The following SS18 variants were observed in gnomAD, a reference collection of about 807,000 sequenced individuals.
SS18 encodes the protein SS18 subunit of BAF chromatin remodeling complex, also known as protein SSXT.
A neutral mutation model predicts 72.5 loss-of-function variants in SS18; 28 were observed. The observed-to-expected ratio is 0.39, with a 90% CI of 0.29 to 0.53. The LOEUF (loss-of-function observed/expected upper bound fraction) is 0.53, where lower values mean the gene tolerates loss of function less well. Among genes scored for constraint, SS18 ranks in the 20% least tolerant of loss-of-function variants. SS18 has a pLI of 0.76. For missense variants in SS18, 518 were observed against 535.3 expected, an observed-to-expected ratio of 0.97 and a Z score of 0.32; for synonymous variants, 172 against 164.2, an observed-to-expected ratio of 1.05 and a Z score of -0.37.
chr18:26,033,607 G>A (rs2053580623), intron 9 of SS18, among the ~76,000 whole-genome samples: 1 of 151,536 alleles, frequency 6.6e-6, no homozygotes, highest in African/African-American at 2.4e-5. Context: ...TGATTTCAGA[G>A]AAAAGTGTCA....
rs376791297 is a variant in SS18 at position 26,070,064 on chromosome 18, TG to T, written c.231+8011del. On this transcript the variant is annotated intron_variant, in intron 3 of 10. Coordinates refer to ENST00000415083, the MANE Select transcript of SS18 (RefSeq NM_001007559.3). ...ACCTATTGGGTACAGTGTTCCTTAC[TG>T]GGGGTAATGGGTACACTAAAAGCTC... Among the ~76,000 whole-genome samples the T allele has an allele frequency of 2.4e-3, 364 of 152,250 alleles. 1 individual carries two copies. Among genetic ancestry groups the T allele is most frequent in the African/African-American group, 8.4e-3 (348 of 41,562 alleles).
chr18:26,026,160 T>C (rs749490343), intron 10 of SS18, among the ~76,000 whole-genome samples: 2 of 152,180 alleles, frequency 1.3e-5, no homozygotes, highest in Admixed American at 6.5e-5. Context: ...TATGCCACCA[T>C]GACTGGCTAG....
intron 3 of SS18, among the ~76,000 whole-genome samples, chr18:26,065,800 C>CATAGATATATATATATAT (rs1555651150): frequency 1.8e-5 from 1 of 55,578 alleles, no homozygotes; most frequent in African/African-American, 4.8e-5. Context: ...CCTACAAATC[C>CATAGATATATATATATAT]ATATATATAT....
chr18:26,023,026 C>T (rs75726389), intron 10 of SS18, among the ~76,000 whole-genome samples: 1 of 152,166 alleles, frequency 6.6e-6, no homozygotes, highest in Non-Finnish European at 1.5e-5. Context: ...AAAGCAATTT[C>T]AGAAAGTTCA....
intron 3 of SS18, among the ~76,000 whole-genome samples, chr18:26,067,008 TAA>T (rs1437580905): frequency 1.3e-5 from 2 of 152,248 alleles, no homozygotes; most frequent in Admixed American, 6.5e-5. Context: ...TTTTGGTATA[TAA>T]AAAGTTTTGT....
intron 5 of SS18, 72 bp from the exon 6 acceptor site, chr18:26,039,528 ATCTT>A: frequency 7.2e-7 from 1 of 1,383,680 alleles, no homozygotes; most frequent in South Asian, 1.7e-5. Flanking sequence ...AAATAAGATA[ATCTT>A]TTATCATATA....
intron 3 of SS18, among the ~76,000 whole-genome samples, chr18:26,074,102 G>C (rs2054365732): frequency 1.3e-5 from 2 of 152,042 alleles, no homozygotes; most frequent in South Asian, 4.1e-4. Context: ...AACCAATGTA[G>C]TCTTTGGTAT....
chr18:26,035,080 G>A lies in SS18; in HGVS notation c.1021C>T (p.Pro341Ser), dbSNP rs371114958. The change falls in exon 9 of 11, where the codon CCA becomes TCA. Residue 341 changes from proline (P) to serine (S), a missense_variant. Coordinates refer to ENST00000415083, the MANE Select transcript of SS18 (RefSeq NM_001007559.3). The surrounding 1 kb of genome is among the most constrained non-coding windows in gnomAD (Gnocchi z 4.4). Reference protein sequence around the residue: ...QQQDAYQGPPPQQGYPPQQQQ... With the variant: ...QQQDAYQGPPSQQGYPPQQQQ... ...TGCTGGGGTGGATATCCCTGTTGTG[G>A]AGGTGGTCCCTGGTATGCATCTTGC... The A allele has an allele frequency of 1.9e-6, 3 of 1,613,500 alleles. No homozygotes were observed. The highest frequency in any genetic ancestry group is 1.7e-5 in the Admixed American group (1 of 59,970).
At chr18:26,037,642 C>CT (rs1488884375) in intron 7 of SS18, among the ~76,000 whole-genome samples, 1 of 152,058 alleles carries the variant, frequency 6.6e-6, no homozygotes, top group Non-Finnish European at 1.5e-5. Flanking sequence ...GGCTGCTAGT[C>CT]AATGGCTGCT....
chr18:26,047,259 CAAAAAAAAAAAA>C (rs71169806), intron 5 of SS18, among the ~76,000 whole-genome samples: 15 of 75,718 alleles, frequency 2.0e-4, no homozygotes, highest in Middle Eastern at 8.2e-3. Flanking sequence ...AGTAATATGC[CAAAAAAAAAAAA>C]AAAAAAAAAA....
In SS18 at chr18:26,016,660, T is replaced by A; in HGVS notation, c.*1694A>T. The A allele has an allele frequency of 5.2e-6, 1 of 190,928 alleles. No homozygotes were observed. The highest frequency in any genetic ancestry group is 1.9e-4 in the South Asian group (1 of 5,170). The allele number at this position is 190,928 out of a possible 1,614,324, so 11.8% of individuals were successfully genotyped here. On this transcript the variant is annotated 3_prime_UTR_variant, in exon 11 of 11. Transcript: ENST00000415083. ...ACTGCTTGAACCTGGGAGGCGGAGG[T>A]TGCAGTGAGCTGAGATTGCGCCACT...
chr18:26,037,212 T>A (rs1368264982), intron 7 of SS18, among the ~76,000 whole-genome samples: 2 of 152,128 alleles, frequency 1.3e-5, no homozygotes, highest in Non-Finnish European at 2.9e-5. Context: ...GTAACCTTAA[T>A]GTTTTGATAT....
rs45578236 is a variant in SS18, at chr18:26,058,420, T to C, written c.232-678A>G. On this transcript the variant is annotated intron_variant, in intron 3 of 10. Transcript: ENST00000415083. ...CAGATATGAGGTGGTCTGCCACACC[T>C]GGGTCCCTTCTTAGGGATATTTTGG... Among the ~76,000 whole-genome samples the C allele has an allele frequency of 3.2e-3, 490 of 152,326 alleles. 2 individuals carry two copies. The highest frequency in any genetic ancestry group is 0.012 in the South Asian group (58 of 4,826).
intron 3 of SS18, among the ~76,000 whole-genome samples, chr18:26,072,216 T>C (rs2054322703): frequency 6.6e-6 from 1 of 151,870 alleles, no homozygotes. Flanking sequence ...ATCTATACAG[T>C]AACCACTAAA....
chr18:26,025,372 T>C (rs1406759279), intron 10 of SS18, among the ~76,000 whole-genome samples: 1 of 151,904 alleles, frequency 6.6e-6, no homozygotes, highest in Non-Finnish European at 1.5e-5. Context: ...ATAATAAAGT[T>C]CTGGGCAGAA....
intron 9 of SS18, 105 bp from the exon 10 acceptor site, chr18:26,032,637 TA>T: frequency 3.1e-6 from 4 of 1,292,458 alleles, no homozygotes; most frequent in African/African-American, 1.5e-5. Flanking sequence ...CTATCTAAGC[TA>T]AAAAAAGATA....
intron 10 of SS18, chr18:26,023,740 C>T: frequency 2.3e-6 from 1 of 439,190 alleles, no homozygotes; most frequent in Non-Finnish European, 4.3e-6. Flanking sequence ...GAAATGTTAA[C>T]ATCCTTCAGG....
chr18:26,048,125 A>C lies in SS18; in HGVS notation c.607+4499T>G, dbSNP rs78039647. Among the ~76,000 whole-genome samples, 1,039 of 152,362 alleles carry C rather than the reference A, an allele frequency of 6.8e-3. 9 individuals are homozygous for C. The highest frequency in any genetic ancestry group is 0.024 in the African/African-American group (981 of 41,586). On this transcript the variant is annotated intron_variant, in intron 5 of 10. Transcript: ENST00000415083. ...GCAAATAGGAAGACTGTCACTGGGT[A>C]TGTAGTAAAGTAAGCATTTTATATG...
At position 26,035,802 on chromosome 18, in the gene SS18, T is replaced by C. The variant is rs1417450510; in HGVS notation, c.973+29A>G. 1.4e-6 allele frequency: 2 copies of C among 1,443,272 alleles called. No individual in the cohort carries two copies. The highest frequency in any genetic ancestry group is 2.8e-5 in the African/African-American group (2 of 71,652). The allele number at this position is 1,443,272 out of a possible 1,614,324, so 89.4% of individuals were successfully genotyped here. On this transcript the variant is annotated intron_variant, in intron 8 of 10. Coordinates refer to ENST00000415083, the MANE Select transcript of SS18 (RefSeq NM_001007559.3). The surrounding 1 kb of genome is among the most constrained non-coding windows in gnomAD (Gnocchi z 4.4). The stretch of plus-strand genomic sequence containing the variant: ...TCATTCCTGTAGAAGGGGATATATA[T>C]GTGTATGTGTGTGAAGGTATATAGA...
Sources: allele counts gnomAD v4.1 joint callset (sites outside exome capture counted in the v4.1 genomes callset), GRCh38; gene constraint gnomAD v4.1.1; non-coding constraint Gnocchi (gnomAD v3.1); transcripts MANE v1.5; gene names NCBI Gene and HGNC (gene_info 2026-07-23, HGNC 2026-07-21).